The following HDAC4 variants were observed in gnomAD, a reference collection of about 807,000 sequenced individuals.
The protein encoded by HDAC4 is histone deacetylase A.
HDAC4 carries 16 observed loss-of-function variants against 135.1 expected under a neutral mutation model. The ratio of observed to expected loss-of-function variants is 0.12; its 90% CI spans 0.08 to 0.18. The LOEUF (loss-of-function observed/expected upper bound fraction) is 0.18, where lower values mean the gene tolerates loss of function less well. Ranked by LOEUF, HDAC4 falls within the 10% of genes least tolerant of loss-of-function variation. The pLI is 1.00. For missense variants in HDAC4, 1,143 were observed against 1,511.8 expected, an observed-to-expected ratio of 0.76 and a Z score of 4.05; for synonymous variants, 685 against 653.4, an observed-to-expected ratio of 1.05 and a Z score of -0.74.
At chr2:239,208,663 C>A (rs1001955790) in intron 3 of HDAC4, among the ~76,000 whole-genome samples, 1 of 152,028 alleles carries the variant, frequency 6.6e-6, no homozygotes. Context: ...CCACCCCCAC[C>A]ACCTGCAAAG....
chr2:239,219,303 C>G (rs1235441252), intron 3 of HDAC4, among the ~76,000 whole-genome samples: 12 of 151,740 alleles, frequency 7.9e-5, no homozygotes, highest in South Asian at 2.1e-4. Flanking sequence ...AAAATGATGA[C>G]TTCATGTCCT....
At chr2:239,171,917 T>C (rs2043474204) in intron 5 of HDAC4, among the ~76,000 whole-genome samples, 1 of 152,140 alleles carries the variant, frequency 6.6e-6, no homozygotes, top group Non-Finnish European at 1.5e-5. Flanking sequence ...CTTCAAAGAT[T>C]AACCTGAAAT....
chr2:239,322,688 T>C (rs2053353879), intron 2 of HDAC4, among the ~76,000 whole-genome samples: 1 of 152,220 alleles, frequency 6.6e-6, no homozygotes, highest in Admixed American at 6.5e-5. Context: ...GTGTCTTGAC[T>C]GGCTGAGTGC....
chr2:239,100,588 C>A (rs1331455836), intron 16 of HDAC4, among the ~76,000 whole-genome samples: 1 of 152,152 alleles, frequency 6.6e-6, no homozygotes, highest in African/African-American at 2.4e-5. Flanking sequence ...GCCCTGGGTC[C>A]TCCTTGGTTG....
At chr2:239,374,386 CTTTTTTTTTTTTTTTTTTTTT>C (rs755538495) in intron 1 of HDAC4, among the ~76,000 whole-genome samples, 4 of 56,666 alleles carry the variant, frequency 7.1e-5, no homozygotes, top group South Asian at 8.9e-4. Flanking sequence ...GAAAACAAGG[CTTTTTTTTTTTTTTTTTTTTT>C]TTTTTTTTTT....
At chr2:239,295,316 A>G (rs2125557026) in intron 2 of HDAC4, among the ~76,000 whole-genome samples, 1 of 150,450 alleles carries the variant, frequency 6.6e-6, no homozygotes. Flanking sequence ...CAAAAAAAAA[A>G]AAAAAAAAAA....
rs148063608 is a variant in HDAC4, at chr2:239,143,635, G to A, written c.865+948C>T. On this transcript the variant is annotated intron_variant, in intron 8 of 26. Transcript: ENST00000543185. ...CTCAAGTAGAGAGGGGACAGGGCAC[G>A]AGAAACAGGCAGGGCCCTGTATTTA... Among the ~76,000 whole-genome samples, 206 of 152,326 alleles carry A rather than the reference G, an allele frequency of 1.4e-3. 2 individuals carry two copies. The highest frequency in any genetic ancestry group is 4.6e-3 in the African/African-American group (191 of 41,588).
intron 17 of HDAC4, chr2:239,091,871 T>G (rs546407149): frequency 6.9e-6 from 1 of 144,520 alleles, no homozygotes; most frequent in Non-Finnish European, 1.5e-5. Flanking sequence ...CCATCCTGGC[T>G]AACACGGTGA....
intron 13 of HDAC4, among the ~76,000 whole-genome samples, chr2:239,112,006 C>T (rs1442397722): frequency 1.3e-5 from 2 of 152,192 alleles, no homozygotes; most frequent in African/African-American, 4.8e-5. Context: ...AACAGGATAA[C>T]ACAGGTTGAG....
intron 9 of HDAC4, among the ~76,000 whole-genome samples, chr2:239,136,711 A>G (rs1254152498): frequency 2.6e-5 from 4 of 152,232 alleles, no homozygotes; most frequent in African/African-American, 9.6e-5. Context: ...AGCAGCCAGT[A>G]TAAAAGTGGG....
chr2:239,352,549 A>C lies in HDAC4; in HGVS notation c.22+129T>G. 2.3e-6 allele frequency: 2 copies of C among 870,020 alleles called. No individual in the cohort carries two copies. Among genetic ancestry groups the C allele is most frequent in the East Asian group, 2.7e-5 (1 of 37,604 alleles). The allele number at this position is 870,020 out of a possible 1,614,324, so 53.9% of individuals were successfully genotyped here. A position where few individuals can be genotyped will look rare whatever the true frequency, so the allele number is the denominator to read the frequency against. On this transcript the variant is annotated intron_variant, in intron 2 of 26. Transcript: ENST00000543185. This position sits in a 1 kb window ranked among gnomAD's most constrained non-coding sequence, Gnocchi z 4.4. ...CATTTTGCACTTTGTGCTGTCAAAAACCAACAGTGACCACTATCAAGAAAA... is the reference window on the plus strand; with the variant it reads ...CATTTTGCACTTTGTGCTGTCAAAACCCAACAGTGACCACTATCAAGAAAA...
At chr2:239,180,482 T>C (rs150654948) in intron 4 of HDAC4, among the ~76,000 whole-genome samples, 98 of 152,084 alleles carry the variant, frequency 6.4e-4, no homozygotes, top group African/African-American at 2.1e-3. Flanking sequence ...AGATGAGACA[T>C]GCCAGTCACC....
chr2:239,394,707 G>T (rs112300420), intron 1 of HDAC4, among the ~76,000 whole-genome samples: 1 of 152,248 alleles, frequency 6.6e-6, no homozygotes, highest in Non-Finnish European at 1.5e-5. Context: ...CAAGAACCCC[G>T]CAGAGGGGCC....
chr2:239,194,966 C>T (rs3791575), intron 3 of HDAC4, among the ~76,000 whole-genome samples: 40,664 of 152,146 alleles, frequency 0.27, 5,415 homozygotes, highest in African/African-American at 0.28. Context: ...CGTCTCCCTA[C>T]GGACATGGAA....
In HDAC4 at chr2:239,250,236, G is replaced by A. The variant is rs1575524480; in HGVS notation, c.23-13572C>T. On this transcript the variant is annotated intron_variant, in intron 2 of 26. Coordinates refer to ENST00000543185, the MANE Select transcript of HDAC4 (RefSeq NM_001378414.1). The stretch of plus-strand genomic sequence containing the variant: ...TGGTCCAGACATCACCTTAGGTGCT[G>A]AGAACCCAGCTGATGAAGACACAGA... Among the ~76,000 whole-genome samples the A allele has an allele frequency of 2.0e-5, 3 of 152,382 alleles. No individual in the cohort carries two copies. The South Asian group carries it at 6.2e-4, about 32-fold the overall frequency.
At chr2:239,055,700 G>C (rs909014360) in intron 24 of HDAC4, among the ~76,000 whole-genome samples, 1 of 146,026 alleles carries the variant, frequency 6.8e-6, no homozygotes, top group South Asian at 2.2e-4. Flanking sequence ...CTGGGCAACA[G>C]AGTGAGACCC....
At chr2:239,298,656 G>C in intron 2 of HDAC4, 7 of 982,832 alleles carry the variant, frequency 7.1e-6, no homozygotes, top group Non-Finnish European at 8.5e-6. Flanking sequence ...CCGTGAGACT[G>C]TGGCTAAATC....
chr2:239,160,652 G>A (rs1253393978), intron 6 of HDAC4, among the ~76,000 whole-genome samples: 4 of 152,258 alleles, frequency 2.6e-5, no homozygotes, highest in Non-Finnish European at 1.5e-5. Flanking sequence ...TCCGTTCCTT[G>A]TCACTGCGGA....
At chr2:239,278,621 G>A (rs1325230776) in intron 2 of HDAC4, among the ~76,000 whole-genome samples, 2 of 152,136 alleles carry the variant, frequency 1.3e-5, no homozygotes, top group Non-Finnish European at 2.9e-5. Flanking sequence ...GCAGTGAGGC[G>A]AGATCATGCC....
Sources: allele counts gnomAD v4.1 joint callset (sites outside exome capture counted in the v4.1 genomes callset), GRCh38; gene constraint gnomAD v4.1.1; non-coding constraint Gnocchi (gnomAD v3.1); transcripts MANE v1.5; gene names NCBI Gene and HGNC (gene_info 2026-07-23, HGNC 2026-07-21).